The following MYRIP variants were observed in gnomAD, a reference collection of about 807,000 sequenced individuals.
MYRIP encodes the protein rab effector MyRIP.
In MYRIP, 49 loss-of-function variants were observed where a neutral mutation model predicts 98.0. The ratio of observed to expected loss-of-function variants is 0.50; its 90% CI spans 0.40 to 0.63. The LOEUF (loss-of-function observed/expected upper bound fraction) is 0.63. Among genes scored for constraint, MYRIP ranks in the 30% least tolerant of loss-of-function variants. MYRIP has a pLI of 0.00. For synonymous variants in MYRIP, 404 were observed against 409.5 expected, an observed-to-expected ratio of 0.99 and a Z score of 0.16; for missense variants, 1,004 against 1,058.2, an observed-to-expected ratio of 0.95 and a Z score of 0.71.
chr3:40,000,024 T>G, intron 2 of MYRIP, among the ~76,000 whole-genome samples: 3 of 101,220 alleles, frequency 3.0e-5, no homozygotes, highest in South Asian at 7.5e-4. Flanking sequence ...CAGGGCCTGT[T>G]GTGGGAGGAG....
intron 1 of MYRIP, among the ~76,000 whole-genome samples, chr3:39,817,822 CTCT>C (rs892070823): frequency 9.9e-5 from 15 of 152,024 alleles, no homozygotes; most frequent in African/African-American, 3.6e-4. Context: ...AAAATGTATC[CTCT>C]TGTTTTTTTC....
chr3:40,053,103 A>G (rs938334607), intron 3 of MYRIP, among the ~76,000 whole-genome samples: 16 of 152,188 alleles, frequency 1.1e-4, no homozygotes, highest in Admixed American at 1.0e-3. Context: ...AAATAAACAT[A>G]AAGAAATGTA....
chr3:39,823,080 C>T (rs199970018), intron 1 of MYRIP, among the ~76,000 whole-genome samples: 1 of 141,450 alleles, frequency 7.1e-6, no homozygotes. Flanking sequence ...AGTGCAGTGG[C>T]GCAATCTTGG....
intron 2 of MYRIP, among the ~76,000 whole-genome samples, chr3:39,987,481 T>A (rs922870540): frequency 1.3e-5 from 2 of 152,238 alleles, no homozygotes; most frequent in African/African-American, 4.8e-5. Context: ...TGCCTGTGTC[T>A]TTATAATAGA....
rs577078631 is a variant in MYRIP, at chr3:39,822,277, T to C, written c.-31+12361T>C. On this transcript the variant is annotated intron_variant, in intron 1 of 16. Coordinates refer to ENST00000302541, the MANE Select transcript of MYRIP (RefSeq NM_015460.4). ...CAGATCAGGGTAATTTGCATGTCCA[T>C]CATTTCAAACATTTATCATTTCTTT... is the stretch of plus-strand genomic sequence containing the variant. Among the ~76,000 whole-genome samples the C allele has an allele frequency of 9.5e-4, 144 of 152,316 alleles. 1 individual carries two copies. Among genetic ancestry groups the C allele is most frequent in the South Asian group, 5.4e-3 (26 of 4,826 alleles).
chr3:40,187,319 A>G (rs948529151), intron 9 of MYRIP, among the ~76,000 whole-genome samples: 41 of 152,270 alleles, frequency 2.7e-4, no homozygotes, highest in Middle Eastern at 3.4e-3. Context: ...AACCAAGGTC[A>G]CCCGCTAGTA....
intron 3 of MYRIP, among the ~76,000 whole-genome samples, chr3:40,113,717 T>C (rs562666149): frequency 3.5e-4 from 54 of 152,168 alleles, no homozygotes; most frequent in Admixed American, 8.5e-4. Flanking sequence ...TGAGACAGAG[T>C]CTCGCTCTTT....
intron 1 of MYRIP, among the ~76,000 whole-genome samples, chr3:39,870,610 C>G (rs1199467151): frequency 6.6e-6 from 1 of 151,818 alleles, no homozygotes; most frequent in African/African-American, 2.4e-5. Context: ...ATGTTTTTTC[C>G]CATATCCTGT....
intron 1 of MYRIP, among the ~76,000 whole-genome samples, chr3:39,878,880 C>T (rs1264492398): frequency 2.1e-5 from 3 of 140,886 alleles, no homozygotes; most frequent in Non-Finnish European, 3.0e-5. Context: ...CATGGTGAAA[C>T]CTCGTCTCTA....
chr3:39,999,039 A>C (rs1477616919), intron 2 of MYRIP, among the ~76,000 whole-genome samples: 1 of 152,226 alleles, frequency 6.6e-6, no homozygotes, highest in Non-Finnish European at 1.5e-5. Context: ...AGATGGATTA[A>C]AGACTTAAAT....
rs202070826 is a variant in MYRIP at position 39,982,687 on chromosome 3, A to AG, written c.111-61359dup. ...TTATTATTCCTTAAAAACATTTTCT[A>AG]GGGGAAGAAATGCCTTTTAAAAATC... On this transcript the variant is annotated intron_variant, in intron 2 of 16. Transcript: ENST00000302541. Among the ~76,000 whole-genome samples, 1,373 of 152,322 alleles carry AG rather than the reference A, an allele frequency of 9.0e-3. 16 individuals are homozygous for AG. The highest frequency in any genetic ancestry group is 0.032 in the African/African-American group (1,315 of 41,572).
rs1250843060 is a variant in MYRIP at position 40,182,505 on chromosome 3, C to T, written c.1027+132C>T. The T allele has an allele frequency of 9.5e-6, 10 of 1,054,178 alleles. No individual in the cohort carries two copies. In the South Asian group the frequency reaches 1.4e-4, roughly 15 times the overall value. The allele number at this position is 1,054,178 out of a possible 1,614,324, so 65.3% of individuals were successfully genotyped here. A position where few individuals can be genotyped will look rare whatever the true frequency, so the allele number is the denominator to read the frequency against. On this transcript the variant is annotated intron_variant, in intron 9 of 16. Coordinates refer to ENST00000302541, the MANE Select transcript of MYRIP (RefSeq NM_015460.4). The stretch of plus-strand genomic sequence containing the variant: ...ACTGGTGTGTGTCCCTCTGGGCTAC[C>T]AAGTCATGAGGCCTCCAGCACAACA...
At chr3:39,977,611 T>C (rs1945789557) in intron 2 of MYRIP, among the ~76,000 whole-genome samples, 1 of 152,138 alleles carries the variant, frequency 6.6e-6, no homozygotes, top group African/African-American at 2.4e-5. Context: ...TAAAGACAAT[T>C]AGGTGGAAAC....
chr3:39,920,832 G>C (rs1944287287), intron 2 of MYRIP, among the ~76,000 whole-genome samples: 1 of 152,128 alleles, frequency 6.6e-6, no homozygotes, highest in Admixed American at 6.6e-5. Context: ...CCATAGTGAG[G>C]GAGAGTCTCC....
chr3:39,860,344 G>C (rs967668419), intron 1 of MYRIP, among the ~76,000 whole-genome samples: 1 of 152,208 alleles, frequency 6.6e-6, no homozygotes, highest in African/African-American at 2.4e-5. Flanking sequence ...GATAACTCCA[G>C]CTTGTACAGA....
At chr3:40,253,888 T>C (rs1479888168) in intron 16 of MYRIP, among the ~76,000 whole-genome samples, 2 of 152,178 alleles carry the variant, frequency 1.3e-5, no homozygotes, top group Non-Finnish European at 2.9e-5. Context: ...GCAGGTTTGA[T>C]ATAAGAGAAA....
intron 10 of MYRIP, among the ~76,000 whole-genome samples, chr3:40,204,216 T>A (rs1575629513): frequency 3.2e-3 from 34 of 10,548 alleles, no homozygotes; most frequent in South Asian, 0.025. Context: ...ATTTATATAT[T>A]ATATATAAAT....
chr3:39,852,108 ATTTATGGAGATAGAT>A (rs1277767814), intron 1 of MYRIP, among the ~76,000 whole-genome samples: 1 of 152,156 alleles, frequency 6.6e-6, no homozygotes, highest in East Asian at 1.9e-4. Flanking sequence ...AGAATTGAAC[ATTTATGGAGATAGAT>A]TTTTGAAACA....
intron 3 of MYRIP, among the ~76,000 whole-genome samples, chr3:40,125,730 A>G (rs1949514231): frequency 6.6e-6 from 1 of 152,190 alleles, no homozygotes; most frequent in African/African-American, 2.4e-5. Flanking sequence ...GCCTAGGAGC[A>G]GCTGCGGGTA....
Sources: allele counts gnomAD v4.1 joint callset (sites outside exome capture counted in the v4.1 genomes callset), GRCh38; gene constraint gnomAD v4.1.1; transcripts MANE v1.5; gene names NCBI Gene and HGNC (gene_info 2026-07-23, HGNC 2026-07-21).